CEP128: variants seen among roughly 807,000 people sequenced by gnomAD.
CEP128 encodes the protein centrosomal protein 128, also known as centrosomal protein 128kDa.
In CEP128, 132 loss-of-function variants were observed where a neutral mutation model predicts 156.7. The ratio of observed to expected loss-of-function variants is 0.84; its 90% CI spans 0.73 to 0.97. The LOEUF (loss-of-function observed/expected upper bound fraction) is 0.97. CEP128 is among the 50% of genes least tolerant of loss of function. The probability of loss-of-function intolerance (pLI) is 0.00; values close to 1 mark genes in which losing one functional copy is unlikely to be tolerated. For missense variants in CEP128, 1,252 were observed against 1,281.9 expected (o/e 0.98, Z 0.36); for synonymous variants, 469 against 448.9 (o/e 1.04, Z -0.57).
At chr14:80,849,523 T>G (rs1245809117) in intron 9 of CEP128, among the ~76,000 whole-genome samples, 1 of 152,216 alleles carries the variant, frequency 6.6e-6, no homozygotes, top group Non-Finnish European at 1.5e-5. Context: ...AATGAGGTTA[T>G]AGTTCTAAAT....
chr14:80,915,389 G>A (rs1415732101), intron 3 of CEP128, among the ~76,000 whole-genome samples: 3 of 152,144 alleles, frequency 2.0e-5, no homozygotes, highest in South Asian at 2.1e-4. Context: ...GCATGGCTTC[G>A]CCACCAGAAA....
chr14:80,660,585 A>G (rs1409844971), intron 19 of CEP128, among the ~76,000 whole-genome samples: 1 of 152,202 alleles, frequency 6.6e-6, no homozygotes, highest in Non-Finnish European at 1.5e-5. Flanking sequence ...AAGAACTACC[A>G]GATCATTACC....
intron 9 of CEP128, among the ~76,000 whole-genome samples, chr14:80,845,842 G>A (rs1280786635): frequency 6.6e-6 from 1 of 152,174 alleles, no homozygotes; most frequent in Admixed American, 6.5e-5. Context: ...AATTGATAAT[G>A]ATGGAAATGG....
At chr14:80,868,823 T>C (rs1474059382) in intron 8 of CEP128, among the ~76,000 whole-genome samples, 2 of 151,580 alleles carry the variant, frequency 1.3e-5, no homozygotes, top group Non-Finnish European at 2.9e-5. Flanking sequence ...TCTACACAAA[T>C]GGAAACTAGA....
intron 19 of CEP128, among the ~76,000 whole-genome samples, chr14:80,636,297 T>A (rs908367862): frequency 1.3e-5 from 2 of 152,212 alleles, no homozygotes; most frequent in Admixed American, 1.3e-4. Context: ...CCCCCTAGCC[T>A]AAAATTCATT....
chr14:80,736,269 A>AC (rs1555396677), intron 19 of CEP128, among the ~76,000 whole-genome samples: 34 of 151,250 alleles, frequency 2.2e-4, no homozygotes, highest in East Asian at 9.7e-4. Flanking sequence ...AAAAAAAAAA[A>AC]ACACAGCAAA....
intron 19 of CEP128, among the ~76,000 whole-genome samples, chr14:80,680,142 G>A (rs977652857): frequency 6.6e-6 from 1 of 152,144 alleles, no homozygotes; most frequent in African/African-American, 2.4e-5. Context: ...GCAAGCGCTG[G>A]AATTCGGCTC....
chr14:80,857,350 T>C (rs1284465319), intron 9 of CEP128, among the ~76,000 whole-genome samples: 1 of 151,552 alleles, frequency 6.6e-6, no homozygotes, highest in Non-Finnish European at 1.5e-5. Flanking sequence ...AAGCACCTCA[T>C]CAAAAGGAGT....
At chr14:80,516,618 A>G (rs1157492606) in intron 23 of CEP128, among the ~76,000 whole-genome samples, 1 of 152,144 alleles carries the variant, frequency 6.6e-6, no homozygotes, top group East Asian at 1.9e-4. Context: ...TCAGATTCCA[A>G]CTATCAGGAT....
At chr14:80,655,977 A>G (rs534477535) in intron 19 of CEP128, among the ~76,000 whole-genome samples, 3 of 151,952 alleles carry the variant, frequency 2.0e-5, no homozygotes, top group South Asian at 4.2e-4. Context: ...TGACCTACTA[A>G]TAAGACCTAC....
chr14:80,508,982 C>G (rs771441731), intron 23 of CEP128, among the ~76,000 whole-genome samples: 1 of 151,980 alleles, frequency 6.6e-6, no homozygotes, highest in Non-Finnish European at 1.5e-5. Flanking sequence ...ACAATCATGG[C>G]GGAAGGAGAA....
At chr14:80,664,918 C>T (rs895713489) in intron 19 of CEP128, among the ~76,000 whole-genome samples, 3 of 152,150 alleles carry the variant, frequency 2.0e-5, no homozygotes, top group Non-Finnish European at 4.4e-5. Context: ...GTAAACTTTA[C>T]AAAAAGTCAA....
intron 9 of CEP128, among the ~76,000 whole-genome samples, chr14:80,852,782 G>A (rs947981006): frequency 1.3e-5 from 2 of 151,562 alleles, no homozygotes; most frequent in African/African-American, 4.8e-5. Context: ...CCACGAAATA[G>A]GAAAAGAAGG....
chr14:80,561,156 C>G (rs997272292), intron 20 of CEP128, among the ~76,000 whole-genome samples: 1 of 152,168 alleles, frequency 6.6e-6, no homozygotes, highest in Non-Finnish European at 1.5e-5. Context: ...AACAGTTGCA[C>G]ATTTCCACCC....
At chr14:80,483,341 G>A (rs533457957) in intron 14 of CEP128, among the ~76,000 whole-genome samples, 1 of 152,270 alleles carries the variant, frequency 6.6e-6, no homozygotes, top group African/African-American at 2.4e-5. Flanking sequence ...AGAAATAATG[G>A]ATGCAATGAC....
rs113811441 is a variant in CEP128 at position 80,908,984 on chromosome 14, T to A, written c.235-2903A>T. 2.7e-5 allele frequency among the ~76,000 whole-genome samples: 3 copies of A among 110,254 alleles called. No homozygotes were observed. The East Asian group carries it at 6.3e-4, about 23-fold the overall frequency. The allele number at this position is 110,254 out of a possible 152,430, so 72.3% of individuals were successfully genotyped here. ...GTCTCCATTAAAGCTAAAGGGTTCC[T>A]GAACTCCAGCTTTGGTCTTCCTAGC... On this transcript the variant is annotated intron_variant, in intron 4 of 24. Transcript: ENST00000555265.
intron 8 of CEP128, chr14:80,894,453 C>G (rs1317256611): frequency 2.8e-6 from 1 of 352,216 alleles, no homozygotes; most frequent in Non-Finnish European, 5.4e-6. Flanking sequence ...CAGAAAAGTC[C>G]TTTTTTTGAA....
intron 24 of CEP128, 51 bp from the exon 25 acceptor site, chr14:80,497,633 G>A (rs1887548757): frequency 8.0e-7 from 1 of 1,250,032 alleles, no homozygotes; most frequent in Non-Finnish European, 1.1e-6. Context: ...ATATAAAACT[G>A]GCCTAAAAAA....
At chr14:80,620,964 T>A (rs931334143) in intron 19 of CEP128, among the ~76,000 whole-genome samples, 4 of 152,032 alleles carry the variant, frequency 2.6e-5, no homozygotes, top group Non-Finnish European at 5.9e-5. Context: ...ATAGTAAAAG[T>A]ATAAACACAC....
Sources: gnomAD v4.1 joint callset for allele counts (sites outside exome capture counted in the v4.1 genomes callset) on GRCh38, gnomAD v4.1.1 for gene constraint, MANE v1.5 for transcripts, NCBI Gene and HGNC (gene_info 2026-07-23, HGNC 2026-07-21) for gene names.